TLCD4: variants seen among roughly 807,000 people sequenced by gnomAD.
TLCD4 encodes the protein TLC domain containing 4.
In TLCD4, 7 loss-of-function variants were observed where a neutral mutation model predicts 24.2. The ratio of observed to expected loss-of-function variants is 0.29; its 90% CI spans 0.16 to 0.54. The LOEUF (loss-of-function observed/expected upper bound fraction) is 0.54, where lower values mean the gene tolerates loss of function less well. Ranked by LOEUF, TLCD4 falls within the 20% of genes least tolerant of loss-of-function variation. The probability of loss-of-function intolerance (pLI) is 0.95; values close to 1 mark genes in which losing one functional copy is unlikely to be tolerated. For missense variants in TLCD4, 259 were observed against 313.9 expected (o/e 0.82, Z 1.32); for synonymous variants, 103 against 106.4 (o/e 0.97, Z 0.20).
rs898259242 is a variant in TLCD4 at position 95,171,383 on chromosome 1, A to G, written c.400-2433A>G. On this transcript the variant is annotated intron_variant, in intron 5 of 6. Transcript: ENST00000370203. The stretch of plus-strand genomic sequence containing the variant: ...GATACCAAAAAAAATCACGGCAGCT[A>G]TGATTTGCAGTTCACAATAATGGAT... Among the ~76,000 whole-genome samples the G allele has an allele frequency of 2.6e-5, 4 of 152,214 alleles. 1 individual carries two copies. Among genetic ancestry groups the G allele is most frequent in the African/African-American group, 7.2e-5 (3 of 41,462 alleles).
At chr1:95,171,563 A>G (rs1361440404) in intron 5 of TLCD4, among the ~76,000 whole-genome samples, 1 of 152,218 alleles carries the variant, frequency 6.6e-6, no homozygotes, top group Non-Finnish European at 1.5e-5. Flanking sequence ...CTGAGAGTTC[A>G]GATAATGAAA....
At chr1:95,166,496 A>G (rs1678021235) in intron 5 of TLCD4, among the ~76,000 whole-genome samples, 1 of 152,068 alleles carries the variant, frequency 6.6e-6, no homozygotes, top group South Asian at 2.1e-4. Flanking sequence ...TTGGAGGGTG[A>G]TTTGTTCACG....
the TLCD4 span, among the ~76,000 whole-genome samples, chr1:95,104,274 G>GTA: frequency 6.6e-6 from 1 of 152,140 alleles, no homozygotes; most frequent in African/African-American, 2.4e-5. Context: ...CTTGCAGGGT[G>GTA]CAATGTAAGT....
chr1:95,102,139 A>C, the TLCD4 span, among the ~76,000 whole-genome samples: 1 of 152,242 alleles, frequency 6.6e-6, no homozygotes, highest in East Asian at 1.9e-4. Context: ...TGACAAGAAA[A>C]GAAAAGATAT....
chr1:95,168,846 A>AT (rs1451439632), intron 5 of TLCD4, among the ~76,000 whole-genome samples: 1 of 152,212 alleles, frequency 6.6e-6, no homozygotes, highest in Non-Finnish European at 1.5e-5. Flanking sequence ...ATAACAGTGA[A>AT]TAAGGAACAG....
At chr1:95,100,388 A>G in the TLCD4 span, among the ~76,000 whole-genome samples, 1 of 152,130 alleles carries the variant, frequency 6.6e-6, no homozygotes, top group Non-Finnish European at 1.5e-5. Flanking sequence ...TAGCCTGGCC[A>G]ACATGGTAAA....
intron 5 of TLCD4, among the ~76,000 whole-genome samples, chr1:95,171,663 A>G (rs185862143): frequency 2.0e-5 from 3 of 152,308 alleles, no homozygotes; most frequent in Non-Finnish European, 4.4e-5. Flanking sequence ...ATGTTATTTT[A>G]TATATATTAG....
intron 5 of TLCD4, 28 bp downstream of exon 5, chr1:95,151,447 A>T (rs372507196): frequency 3.4e-5 from 55 of 1,603,194 alleles, no homozygotes; most frequent in Non-Finnish European, 4.4e-5. Context: ...CTGTAGCCTA[A>T]CTAGCAGACA....
At chr1:95,100,206 A>C in the TLCD4 span, among the ~76,000 whole-genome samples, 1 of 152,236 alleles carries the variant, frequency 6.6e-6, no homozygotes, top group Non-Finnish European at 1.5e-5. Context: ...TAACAGGCTC[A>C]GAGAAGTTAA....
the TLCD4 span, among the ~76,000 whole-genome samples, chr1:95,106,291 A>G: frequency 6.6e-6 from 1 of 152,206 alleles, no homozygotes. Context: ...ATTATCTTGT[A>G]TTTTCTACTT....
chr1:95,101,279 G>A, the TLCD4 span, among the ~76,000 whole-genome samples: 1 of 151,648 alleles, frequency 6.6e-6, no homozygotes, highest in Non-Finnish European at 1.5e-5. Flanking sequence ...TTAGAGAAAG[G>A]GTCTTGCTCT....
chr1:95,156,188 AATT>A (rs144115656), intron 5 of TLCD4, among the ~76,000 whole-genome samples: 54,311 of 151,814 alleles, frequency 0.36, 11,213 homozygotes, highest in Middle Eastern at 0.54. Context: ...TGCCTTTTTG[AATT>A]TTCTAAGAGA....
chr1:95,176,652 G>T (rs1391653639), intron 6 of TLCD4, among the ~76,000 whole-genome samples: 1 of 152,152 alleles, frequency 6.6e-6, no homozygotes, highest in Non-Finnish European at 1.5e-5. Flanking sequence ...TAAAGTTGAT[G>T]AAGTCCCATT....
At chr1:95,173,698 G>T in intron 5 of TLCD4, 118 bp from the exon 6 acceptor site, 1 of 1,291,342 alleles carries the variant, frequency 7.7e-7, no homozygotes. Context: ...AAAACTTCTT[G>T]ATCTGTTTTG....
the TLCD4 span, among the ~76,000 whole-genome samples, chr1:95,101,853 C>T: frequency 6.6e-6 from 1 of 152,168 alleles, no homozygotes; most frequent in Non-Finnish European, 1.5e-5. Flanking sequence ...GAGGAAAAGA[C>T]AGTGTGTGTG....
intron 6 of TLCD4, among the ~76,000 whole-genome samples, chr1:95,187,404 C>T (rs1037198569): frequency 1.3e-5 from 2 of 152,084 alleles, no homozygotes; most frequent in Non-Finnish European, 2.9e-5. Flanking sequence ...TGGCTGTGAT[C>T]GTTTCTCAGA....
intron 5 of TLCD4, among the ~76,000 whole-genome samples, chr1:95,170,361 G>C (rs962813525): frequency 7.7e-6 from 1 of 130,424 alleles, no homozygotes; most frequent in African/African-American, 2.9e-5. Context: ...GAAGAGTCTC[G>C]CTCTGTCCCC....
At chr1:95,094,414 A>G in the TLCD4 span, among the ~76,000 whole-genome samples, 1 of 151,966 alleles carries the variant, frequency 6.6e-6, no homozygotes. Flanking sequence ...GGATTACACC[A>G]TGCCTGGCTG....
At chr1:95,152,506 AAAACTT>A (rs1677520328) in intron 5 of TLCD4, among the ~76,000 whole-genome samples, 1 of 152,150 alleles carries the variant, frequency 6.6e-6, no homozygotes, top group Non-Finnish European at 1.5e-5. Flanking sequence ...GAACCAAAGT[AAAACTT>A]AAAGTGATGA....
Sources: gnomAD v4.1 joint callset for allele counts (sites outside exome capture counted in the v4.1 genomes callset) on GRCh38, gnomAD v4.1.1 for gene constraint, MANE v1.5 for transcripts, NCBI Gene and HGNC (gene_info 2026-07-23, HGNC 2026-07-21) for gene names.